The following FRZB variants were observed in gnomAD, a reference collection of about 807,000 sequenced individuals.
FRZB encodes the protein secreted frizzled-related protein 3.
Under a neutral mutation model 32.5 loss-of-function variants are expected in FRZB, and 34 were observed. The observed-to-expected ratio is 1.05, with a 90% CI of 0.80 to 1.39. The LOEUF is 1.39. Ranked by LOEUF, FRZB falls within the 40% of genes most tolerant of loss-of-function variation. FRZB has a pLI of 0.00. For missense variants in FRZB, 423 were observed against 424.8 expected, an observed-to-expected ratio of 1.00 and a Z score of 0.04; for synonymous variants, 170 against 159.2, an observed-to-expected ratio of 1.07 and a Z score of -0.51.
At position 182,834,818 on chromosome 2, in the gene FRZB, G is replaced by T; in HGVS notation, c.*31C>A. The T allele has an allele frequency of 1.4e-6, 2 of 1,479,064 alleles. No individual in the cohort carries two copies. Among genetic ancestry groups the T allele is most frequent in the Non-Finnish European group, 1.9e-6 (2 of 1,057,646 alleles). 91.6% of individuals were successfully genotyped at this position (1,479,064 alleles called of 1,614,324 possible). On this transcript the variant is annotated 3_prime_UTR_variant, in exon 6 of 6. Transcript: ENST00000295113. ...CAATGCAAGTAAGTCTTAATAGGAAGTCCACTGTGTTACTTTTTGTATTTC... is the reference window on the plus strand; with the variant it reads ...CAATGCAAGTAAGTCTTAATAGGAATTCCACTGTGTTACTTTTTGTATTTC...
At chr2:182,862,711 CA>C (rs2105765090) in intron 1 of FRZB, among the ~76,000 whole-genome samples, 1 of 152,104 alleles carries the variant, frequency 6.6e-6, no homozygotes, top group South Asian at 2.1e-4. Flanking sequence ...GCACTTTTTT[CA>C]GTGCTTACTA....
chr2:182,840,122 G>A (rs1324215855), intron 3 of FRZB, among the ~76,000 whole-genome samples: 1 of 152,082 alleles, frequency 6.6e-6, no homozygotes, highest in African/African-American at 2.4e-5. Context: ...CAAACAAACT[G>A]TAACTACCCA....
At chr2:182,858,885 C>A in intron 1 of FRZB, 52 bp from the exon 2 acceptor site, 1 of 1,436,370 alleles carries the variant, frequency 7.0e-7, no homozygotes, top group Non-Finnish European at 9.7e-7. Flanking sequence ...TTCAAGAATT[C>A]CTAAAGATAA....
At chr2:182,835,389 C>G (rs543540441) in intron 5 of FRZB, among the ~76,000 whole-genome samples, 6 of 151,722 alleles carry the variant, frequency 4.0e-5, no homozygotes, top group Admixed American at 3.3e-4. Context: ...AAGAACATAG[C>G]CTTTTAAAGT....
intron 3 of FRZB, among the ~76,000 whole-genome samples, chr2:182,838,874 A>G (rs982188811): frequency 2.0e-5 from 3 of 152,062 alleles, no homozygotes; most frequent in Admixed American, 6.6e-5. Context: ...ATGTGTGTGC[A>G]TGTGCTTTTG....
intron 1 of FRZB, 37 bp from the exon 2 acceptor site, chr2:182,858,870 T>A (rs1215556515): frequency 6.6e-7 from 1 of 1,517,494 alleles, no homozygotes; most frequent in Non-Finnish European, 9.1e-7. Context: ...CTATAACATA[T>A]CTATTTCAAG....
Position 182,866,179 on chromosome 2 carries a change from T to G in FRZB, c.374A>C (p.Lys125Thr). 1 of 1,614,136 alleles carries G rather than the reference T, an allele frequency of 6.2e-7. No individual in the cohort carries two copies. Among genetic ancestry groups the G allele is most frequent in the South Asian group, 1.1e-5 (1 of 91,080 alleles). Residue 125 changes from lysine (K) to threonine (T), a missense_variant, in exon 1 of 6, where the codon AAG becomes ACG. Lys to Thr is a moderately conservative substitution (Grantham distance 78, BLOSUM62 -1). Coordinates refer to ENST00000295113, the MANE Select transcript of FRZB (RefSeq NM_001463.4). The surrounding 1 kb of genome is among the most constrained non-coding windows in gnomAD (Gnocchi z 4.5). Reference protein sequence around the residue: ...ARQGCEPILIKYRHSWPENLA... With the variant: ...ARQGCEPILITYRHSWPENLA... ...GTTCTCCGGCCACGAGTGGCGGTACTTGATGAGTATGGGCTCACAGCCCTG... is the reference window on the plus strand; with the variant it reads ...GTTCTCCGGCCACGAGTGGCGGTACGTGATGAGTATGGGCTCACAGCCCTG...
intron 3 of FRZB, among the ~76,000 whole-genome samples, chr2:182,839,265 G>C (rs919323177): frequency 6.6e-6 from 1 of 151,666 alleles, no homozygotes; most frequent in Non-Finnish European, 1.5e-5. Flanking sequence ...CTTTAGGTGG[G>C]CTACATTTTC....
chr2:182,841,720 G>A (rs768236459), intron 3 of FRZB, among the ~76,000 whole-genome samples: 1 of 152,002 alleles, frequency 6.6e-6, no homozygotes, highest in Non-Finnish European at 1.5e-5. Context: ...AGCATCCAAA[G>A]TACATTGTGA....
At chr2:182,846,002 C>T (rs1276691819) in intron 2 of FRZB, among the ~76,000 whole-genome samples, 1 of 152,208 alleles carries the variant, frequency 6.6e-6, no homozygotes, top group Non-Finnish European at 1.5e-5. Flanking sequence ...ACGCAGTGCC[C>T]GAGCAGTGAA....
intron 3 of FRZB, among the ~76,000 whole-genome samples, chr2:182,839,824 G>A (rs1431925394): frequency 6.6e-6 from 1 of 152,054 alleles, no homozygotes; most frequent in Non-Finnish European, 1.5e-5. Context: ...TTATCCAAAT[G>A]AGTCAACATT....
In FRZB at chr2:182,866,501, C is replaced by A. The variant is rs1266134171; in HGVS notation, c.52G>T (p.Ala18Ser). The A allele has an allele frequency of 6.6e-7, 1 of 1,519,336 alleles. No homozygotes were observed. The highest frequency in any genetic ancestry group is 1.3e-5 in the South Asian group (1 of 79,082). 94.1% of individuals were successfully genotyped at this position (1,519,336 alleles called of 1,614,324 possible). A position where few individuals can be genotyped will look rare whatever the true frequency, so the allele number is the denominator to read the frequency against. ...CGGAGCAGGCAGAGAGCAGCCAGGG[C>A]AAGCAGCCCGGCCCGCAGCAGCAGC... ...GMLLLRAGLL[A>S]LAALCLLRVP... The change falls in exon 1 of 6, where the codon GCC becomes TCC. Residue 18 changes from alanine (A) to serine (S), a missense_variant. By Grantham distance (99) the Ala-to-Ser change is moderately conservative. Transcript: ENST00000295113. The surrounding 1 kb of genome is among the most constrained non-coding windows in gnomAD (Gnocchi z 4.5).
intron 2 of FRZB, among the ~76,000 whole-genome samples, chr2:182,854,835 G>A (rs1236988644): frequency 1.3e-5 from 2 of 152,208 alleles, no homozygotes; most frequent in Admixed American, 1.3e-4. Context: ...AAGCTTTCTA[G>A]CCAAAGGACC....
chr2:182,838,102 T>C (rs288325), intron 4 of FRZB, 91 bp from the exon 5 acceptor site: 43,647 of 993,746 alleles, frequency 0.044, 2,201 homozygotes, highest in African/African-American at 0.22. Flanking sequence ...GAAAGACTTA[T>C]ATGTTTATTC....
chr2:182,835,110 G>A, intron 5 of FRZB, 145 bp from the exon 6 acceptor site: 1 of 645,970 alleles, frequency 1.5e-6, no homozygotes, highest in Non-Finnish European at 2.7e-6. Context: ...ATTTCCCAGG[G>A]TAACAAGAAA....
At position 182,866,090 on chromosome 2, in the gene FRZB, T is replaced by C. The variant is rs373026242; in HGVS notation, c.463A>G (p.Thr155Ala). Residue 155 changes from threonine (T) to alanine (A), a missense_variant, in exon 1 of 6, where the codon ACT (threonine) becomes GCT (alanine). Coordinates refer to ENST00000295113, the MANE Select transcript of FRZB (RefSeq NM_001463.4). This position sits in a 1 kb window ranked among gnomAD's most constrained non-coding sequence, Gnocchi z 4.5. ...CAAAACTCACCAGCTCCGTCCGCAG[T>C]AACGATGGCCTCGGGAGAGATGCAC... ...GVCISPEAIV[T>A]ADGADFPMDS... The C allele has an allele frequency of 5.0e-6, 8 of 1,610,242 alleles. No homozygotes were observed. The highest frequency in any genetic ancestry group is 4.0e-5 in the African/African-American group (3 of 74,838).
chr2:182,847,995 A>G (rs1695664745), intron 2 of FRZB, among the ~76,000 whole-genome samples: 1 of 151,932 alleles, frequency 6.6e-6, no homozygotes, highest in South Asian at 2.1e-4. Flanking sequence ...AGACCATGAT[A>G]TCTCACATAG....
At chr2:182,848,911 T>C (rs947481538) in intron 2 of FRZB, among the ~76,000 whole-genome samples, 1 of 152,124 alleles carries the variant, frequency 6.6e-6, no homozygotes, top group African/African-American at 2.4e-5. Context: ...GAATGGGTGA[T>C]AAGACACCAG....
intron 5 of FRZB, among the ~76,000 whole-genome samples, chr2:182,837,473 G>C (rs1448091692): frequency 6.6e-6 from 1 of 151,816 alleles, no homozygotes; most frequent in Non-Finnish European, 1.5e-5. Flanking sequence ...ACATTTTCTA[G>C]CCTGTTTTGC....
Sources: gnomAD v4.1 joint callset for allele counts (sites outside exome capture counted in the v4.1 genomes callset) on GRCh38, gnomAD v4.1.1 for gene constraint, Gnocchi (gnomAD v3.1) non-coding constraint, MANE v1.5 for transcripts, NCBI Gene and HGNC (gene_info 2026-07-23, HGNC 2026-07-21) for gene names.